IL17RD: variants seen among roughly 807,000 people sequenced by gnomAD.
IL17RD encodes the protein interleukin-17 receptor D.
In IL17RD, 52 loss-of-function variants were observed where a neutral mutation model predicts 80.5. The observed-to-expected ratio is 0.65, with a 90% CI of 0.52 to 0.81. The LOEUF (loss-of-function observed/expected upper bound fraction) is 0.81. Ranked by LOEUF, IL17RD falls within the 40% of genes least tolerant of loss-of-function variation. The probability of loss-of-function intolerance (pLI) is 0.00; values close to 1 mark genes in which losing one functional copy is unlikely to be tolerated. For synonymous variants in IL17RD, 416 were observed against 391.8 expected, an observed-to-expected ratio of 1.06 and a Z score of -0.73; for missense variants, 1,024 against 955.1, an observed-to-expected ratio of 1.07 and a Z score of -0.95.
At chr3:57,158,958 T>C (rs532817907) in intron 1 of IL17RD, among the ~76,000 whole-genome samples, 4 of 152,286 alleles carry the variant, frequency 2.6e-5, no homozygotes, top group Non-Finnish European at 5.9e-5. Context: ...AATCTGCAAA[T>C]AGAGAAAGCA....
At chr3:57,164,097 T>C (rs996954393) in intron 1 of IL17RD, among the ~76,000 whole-genome samples, 1 of 152,230 alleles carries the variant, frequency 6.6e-6, no homozygotes, top group African/African-American at 2.4e-5. Flanking sequence ...AAGGAAATTC[T>C]CATTTCATCC....
At position 57,091,176 on chromosome 3, in the gene IL17RD, A is replaced by G. The variant is rs115012044; in HGVS notation, c.*5217T>C. ...TATTGTGAGTCATGAAATAAAGGTG[A>G]TATCTATAGAGATGTGTAAAAATAG... is the stretch of plus-strand genomic sequence containing the variant. On this transcript the variant is annotated 3_prime_UTR_variant, in exon 13 of 13. Coordinates refer to ENST00000296318, the MANE Select transcript of IL17RD (RefSeq NM_017563.5). The G allele has an allele frequency of 6.6e-3, 1,009 of 152,734 alleles. 6 individuals are homozygous for G. Among genetic ancestry groups the G allele is most frequent in the Non-Finnish European group, 0.011 (756 of 68,026 alleles). The allele number at this position is 152,734 out of a possible 1,614,324, so 9.5% of individuals were successfully genotyped here. A position where few individuals can be genotyped will look rare whatever the true frequency, so the allele number is the denominator to read the frequency against.
rs143857472 is a variant in IL17RD, at chr3:57,103,265, G to A, written c.814-120C>T. 3.5e-5 allele frequency: 28 copies of A among 793,508 alleles called. No individual in the cohort carries two copies. In the East Asian group the frequency reaches 7.3e-4, roughly 21 times the overall value. 49.2% of individuals were successfully genotyped at this position (793,508 alleles called of 1,614,324 possible). The stretch of plus-strand genomic sequence containing the variant: ...TGGGCAGTGCGGGAAGGGGTGGGAA[G>A]CAAGCAGTGGAGAATGGCTGAGTTT... On this transcript the variant is annotated intron_variant, in intron 8 of 12. Coordinates refer to ENST00000296318, the MANE Select transcript of IL17RD (RefSeq NM_017563.5).
chr3:57,159,355 G>A (rs960992933), intron 1 of IL17RD, among the ~76,000 whole-genome samples: 2 of 152,144 alleles, frequency 1.3e-5, no homozygotes, highest in East Asian at 1.9e-4. Flanking sequence ...TGGCCCTGCC[G>A]GGTTTAGAGT....
In IL17RD at chr3:57,092,588, CA is replaced by C. The variant is rs35183663; in HGVS notation, c.*3804del. On this transcript the variant is annotated 3_prime_UTR_variant, in exon 13 of 13. Coordinates refer to ENST00000296318, the MANE Select transcript of IL17RD (RefSeq NM_017563.5). ...TGGGCAACAGAGCAAGACTCCATCT[CA>C]AAAAAAAAAAAATGAAATTGTTCCC... The C allele has an allele frequency of 0.64, 92,943 of 146,238 alleles. 29,959 individuals carry two copies. The highest frequency in any genetic ancestry group is 0.71 in the Middle Eastern group (198 of 280). 9.1% of individuals were successfully genotyped at this position (146,238 alleles called of 1,614,324 possible).
chr3:57,116,026 CCA>C (rs1377299057), intron 2 of IL17RD, among the ~76,000 whole-genome samples: 1 of 152,182 alleles, frequency 6.6e-6, no homozygotes, highest in African/African-American at 2.4e-5. Flanking sequence ...TAACCTCTTA[CCA>C]CACAGAGGTG....
In IL17RD at chr3:57,095,135, G is replaced by A. The variant is rs547991340; in HGVS notation, c.*1258C>T. 6.6e-6 allele frequency: 1 copy of A among 152,348 alleles called. No homozygotes were observed. Among genetic ancestry groups the A allele is most frequent in the African/African-American group, 2.4e-5 (1 of 41,548 alleles). The allele number at this position is 152,348 out of a possible 1,614,324, so 9.4% of individuals were successfully genotyped here. A position where few individuals can be genotyped will look rare whatever the true frequency, so the allele number is the denominator to read the frequency against. ...AACCACATTCCCTGGGCTGAATGCT[G>A]AGAAAACGGGTGCCAAAATCTAACA... On this transcript the variant is annotated 3_prime_UTR_variant, in exon 13 of 13. Transcript: ENST00000296318.
intron 1 of IL17RD, among the ~76,000 whole-genome samples, chr3:57,124,214 T>A (rs1707400028): frequency 6.6e-6 from 1 of 152,214 alleles, no homozygotes; most frequent in African/African-American, 2.4e-5. Context: ...TATCCCAGGC[T>A]AGCCCATGGT....
At chr3:57,140,422 T>C (rs555796740) in intron 1 of IL17RD, among the ~76,000 whole-genome samples, 2 of 152,300 alleles carry the variant, frequency 1.3e-5, no homozygotes, top group Admixed American at 6.5e-5. Flanking sequence ...GTTCAAAAGA[T>C]TGGCTAGAAT....
chr3:57,152,977 C>T (rs997028080), intron 1 of IL17RD, among the ~76,000 whole-genome samples: 2 of 152,162 alleles, frequency 1.3e-5, no homozygotes, highest in Admixed American at 1.3e-4. Flanking sequence ...ACTCATTCCC[C>T]GTCTCTGAGG....
At chr3:57,146,848 G>GTTTTTTTTTTT in intron 1 of IL17RD, among the ~76,000 whole-genome samples, 1 of 135,830 alleles carries the variant, frequency 7.4e-6, no homozygotes. Flanking sequence ...TTTAGATGGA[G>GTTTTTTTTTTT]TCTCTGTCGC....
At chr3:57,131,765 G>A (rs561896714) in intron 1 of IL17RD, among the ~76,000 whole-genome samples, 2 of 152,324 alleles carry the variant, frequency 1.3e-5, no homozygotes, top group South Asian at 4.1e-4. Flanking sequence ...GGTATTTTCA[G>A]GAGGCTTCTG....
chr3:57,120,802 A>G (rs1016931313), intron 1 of IL17RD, among the ~76,000 whole-genome samples: 4 of 152,166 alleles, frequency 2.6e-5, no homozygotes, highest in African/African-American at 9.7e-5. Context: ...GTATGGGAAT[A>G]AGCTGTTACT....
chr3:57,101,174 C>T lies in IL17RD; in HGVS notation c.1164+5G>A, dbSNP rs200341350. The T allele has an allele frequency of 3.5e-5, 56 of 1,612,292 alleles. No individual in the cohort carries two copies. In the African/African-American group the frequency reaches 4.5e-4, roughly 13 times the overall value. ...GGGTAGGAGAAGGAACTTTAGATTC[C>T]GCACCTCACAGCCACAGAAGTCCTG... On this transcript the variant is annotated splice_donor_5th_base_variant and intron_variant, in intron 11 of 12. Coordinates refer to ENST00000296318, the MANE Select transcript of IL17RD (RefSeq NM_017563.5).
At chr3:57,150,873 G>T (rs1463189697) in intron 1 of IL17RD, among the ~76,000 whole-genome samples, 2 of 152,138 alleles carry the variant, frequency 1.3e-5, no homozygotes, top group African/African-American at 2.4e-5. Context: ...AATTACGAAG[G>T]GGGCCAAAAC....
chr3:57,131,727 G>A (rs1481163991), intron 1 of IL17RD, among the ~76,000 whole-genome samples: 2 of 152,218 alleles, frequency 1.3e-5, no homozygotes, highest in Non-Finnish European at 2.9e-5. Flanking sequence ...GAGAACTGTG[G>A]TGCATGTGTG....
At position 57,114,675 on chromosome 3, in the gene IL17RD, G is replaced by A. The variant is rs755575064; in HGVS notation, c.310+17C>T. On this transcript the variant is annotated intron_variant, in intron 3 of 12. Coordinates refer to ENST00000296318, the MANE Select transcript of IL17RD (RefSeq NM_017563.5). Reference sequence around the variant, plus strand: ...CCACCCAGGTTATCACCATGCACTCGATTTTTGACCACTCACCGAGGGCCC... The same window carrying A: ...CCACCCAGGTTATCACCATGCACTCAATTTTTGACCACTCACCGAGGGCCC... 4.4e-6 allele frequency: 7 copies of A among 1,591,428 alleles called. No individual in the cohort carries two copies. In the African/African-American group the frequency reaches 5.4e-5, roughly 12 times the overall value.
intron 2 of IL17RD, among the ~76,000 whole-genome samples, chr3:57,119,351 C>CAA (rs34523688): frequency 0.036 from 4,356 of 122,440 alleles, 121 homozygotes; most frequent in Non-Finnish European, 0.056. Flanking sequence ...GACTCCATCT[C>CAA]AAAAAAAACA....
At chr3:57,131,155 C>T (rs1486854738) in intron 1 of IL17RD, among the ~76,000 whole-genome samples, 2 of 149,044 alleles carry the variant, frequency 1.3e-5, no homozygotes, top group Admixed American at 6.8e-5. Context: ...CCTACCTCAG[C>T]TGTTCCTCCA....
Sources: allele counts gnomAD v4.1 joint callset (sites outside exome capture counted in the v4.1 genomes callset), GRCh38; gene constraint gnomAD v4.1.1; transcripts MANE v1.5; gene names NCBI Gene and HGNC (gene_info 2026-07-23, HGNC 2026-07-21).